The following IQGAP2 variants were observed in gnomAD, a reference collection of about 807,000 sequenced individuals.
IQGAP2 encodes IQ motif containing GTPase activating protein 2, also known as ras GTPase-activating-like protein IQGAP2.
In IQGAP2, 173 loss-of-function variants were observed where a neutral mutation model predicts 201.3. The ratio of observed to expected loss-of-function variants is 0.86; its 90% CI spans 0.76 to 0.98. The LOEUF is 0.98. Among genes scored for constraint, IQGAP2 ranks in the 50% least tolerant of loss-of-function variants. IQGAP2 has a pLI of 0.00. For synonymous variants in IQGAP2, 675 were observed against 673.9 expected (o/e 1.00, Z -0.03); for missense variants, 1,687 against 1,864.8 (o/e 0.90, Z 1.76).
At chr5:76,465,780 A>G (rs1754738879) in intron 2 of IQGAP2, among the ~76,000 whole-genome samples, 1 of 152,242 alleles carries the variant, frequency 6.6e-6, no homozygotes, top group Non-Finnish European at 1.5e-5. Flanking sequence ...AAAGCAATTC[A>G]CTATATGATA....
intron 3 of IQGAP2, among the ~76,000 whole-genome samples, chr5:76,563,260 C>G (rs1304249897): frequency 1.3e-5 from 2 of 151,858 alleles, no homozygotes; most frequent in Non-Finnish European, 2.9e-5. Flanking sequence ...GAAGAAAGAT[C>G]AACAATAAAA....
rs149094758 is a variant in IQGAP2 at position 76,693,131 on chromosome 5, C to G, written c.3906-224C>G. Among the ~76,000 whole-genome samples the G allele has an allele frequency of 3.6e-4, 55 of 152,290 alleles. No individual in the cohort carries two copies. The East Asian group carries it at 0.01, about 28-fold the overall frequency. On this transcript the variant is annotated intron_variant, in intron 30 of 35. Coordinates refer to ENST00000274364, the MANE Select transcript of IQGAP2 (RefSeq NM_006633.5). ...TGCCCATGTTACTGACAGTATAATG[C>G]TACAACATCAAGCACAGAAAGCCCA...
intron 1 of IQGAP2, among the ~76,000 whole-genome samples, chr5:76,448,250 A>C (rs751938210): frequency 4.6e-5 from 7 of 152,184 alleles, no homozygotes; most frequent in African/African-American, 1.4e-4. Flanking sequence ...CTGTGCAATG[A>C]AGAGGAGCTG....
At chr5:76,467,685 C>T (rs1048256407) in intron 2 of IQGAP2, among the ~76,000 whole-genome samples, 2 of 152,108 alleles carry the variant, frequency 1.3e-5, no homozygotes, top group East Asian at 1.9e-4. Context: ...AACTTGTACT[C>T]GAATGTTCAC....
intron 2 of IQGAP2, among the ~76,000 whole-genome samples, chr5:76,479,652 G>A (rs1755658257): frequency 6.6e-6 from 1 of 152,054 alleles, no homozygotes; most frequent in Non-Finnish European, 1.5e-5. Flanking sequence ...TATGAAATAG[G>A]GATTTTAAAG....
At chr5:76,494,167 G>A (rs530992078) in intron 2 of IQGAP2, among the ~76,000 whole-genome samples, 53 of 152,244 alleles carry the variant, frequency 3.5e-4, no homozygotes, top group Admixed American at 6.5e-4. Context: ...CCACAGATAC[G>A]AAGGGCCAGG....
At chr5:76,409,989 G>A (rs1378265465) in intron 1 of IQGAP2, among the ~76,000 whole-genome samples, 1 of 152,188 alleles carries the variant, frequency 6.6e-6, no homozygotes. Flanking sequence ...CTATAGAGGT[G>A]GCTGATGTGG....
intron 2 of IQGAP2, among the ~76,000 whole-genome samples, chr5:76,557,893 G>A (rs1316327471): frequency 1.3e-5 from 2 of 151,942 alleles, no homozygotes; most frequent in Admixed American, 1.3e-4. Flanking sequence ...TGCAACCTCC[G>A]CCTCTCAGAT....
At chr5:76,602,481 C>G (rs1372040378) in intron 11 of IQGAP2, among the ~76,000 whole-genome samples, 1 of 152,218 alleles carries the variant, frequency 6.6e-6, no homozygotes, top group Non-Finnish European at 1.5e-5. Context: ...TGGTCCCATT[C>G]TATTTGAAAA....
At chr5:76,618,489 T>G in intron 13 of IQGAP2, 1 of 1,614,152 alleles carries the variant, frequency 6.2e-7, no homozygotes, top group African/African-American at 1.3e-5. Flanking sequence ...TGAAGCACTT[T>G]CTTCAGGGCA....
intron 1 of IQGAP2, among the ~76,000 whole-genome samples, chr5:76,447,279 T>C (rs747880448): frequency 6.6e-6 from 1 of 152,060 alleles, no homozygotes; most frequent in Non-Finnish European, 1.5e-5. Context: ...AGTCAGGTAG[T>C]AAAGAGAGCT....
intron 2 of IQGAP2, among the ~76,000 whole-genome samples, chr5:76,503,929 T>C (rs1228063305): frequency 4.6e-5 from 7 of 152,192 alleles, no homozygotes; most frequent in Admixed American, 1.3e-4. Flanking sequence ...CAGATATTCA[T>C]TTGTGGAGTA....
At chr5:76,603,235 A>C (rs182113749) in intron 11 of IQGAP2, among the ~76,000 whole-genome samples, 76 of 152,188 alleles carry the variant, frequency 5.0e-4, no homozygotes, top group African/African-American at 1.6e-3. Context: ...TCAGCTAAAC[A>C]CAGTATTGGA....
chr5:76,466,921 T>A (rs1330383868), intron 2 of IQGAP2, among the ~76,000 whole-genome samples: 1 of 152,180 alleles, frequency 6.6e-6, no homozygotes, highest in East Asian at 1.9e-4. Flanking sequence ...AGACAAATCA[T>A]GTGTCTGATA....
chr5:76,406,258 A>G (rs1750792780), intron 1 of IQGAP2, among the ~76,000 whole-genome samples: 1 of 152,232 alleles, frequency 6.6e-6, no homozygotes. Flanking sequence ...TTTCTGACAG[A>G]TGCAAGATTG....
At chr5:76,695,361 C>A in intron 31 of IQGAP2, 93 bp from the exon 32 acceptor site, 1 of 1,086,996 alleles carries the variant, frequency 9.2e-7, no homozygotes, top group Non-Finnish European at 1.4e-6. Flanking sequence ...TGGAGGACTA[C>A]TTTCATTTTG....
At chr5:76,463,310 A>G (rs4267853) in intron 2 of IQGAP2, among the ~76,000 whole-genome samples, 29,867 of 151,934 alleles carry the variant, frequency 0.2, 3,090 homozygotes, top group Middle Eastern at 0.29. Flanking sequence ...ATGATATGTG[A>G]TTGGGAGTTG....
intron 13 of IQGAP2, 80 bp downstream of exon 13, chr5:76,611,263 T>C (rs749583038): frequency 9.6e-6 from 10 of 1,039,016 alleles, no homozygotes; most frequent in Admixed American, 7.1e-5. Context: ...TTTGACCCAT[T>C]TACGTTAAAT....
At chr5:76,578,863 G>C (rs1207137702) in intron 5 of IQGAP2, among the ~76,000 whole-genome samples, 1 of 138,118 alleles carries the variant, frequency 7.2e-6, no homozygotes, top group Non-Finnish European at 1.6e-5. Flanking sequence ...CCTTGAAAAG[G>C]AACCAGTTTA....
Sources: allele counts gnomAD v4.1 joint callset (sites outside exome capture counted in the v4.1 genomes callset), GRCh38; gene constraint gnomAD v4.1.1; transcripts MANE v1.5; gene names NCBI Gene and HGNC (gene_info 2026-07-23, HGNC 2026-07-21).